Variants in DGKQ observed in about 807,000 individuals in gnomAD.
DGKQ encodes DAG kinase theta.
DGKQ carries 97 observed loss-of-function variants against 104.2 expected under a neutral mutation model. That is an observed-to-expected ratio of 0.93 (90% CI 0.79 to 1.10). The LOEUF (loss-of-function observed/expected upper bound fraction) is 1.10. Among genes scored for constraint, DGKQ ranks in the 50% least tolerant of loss-of-function variants. The probability of loss-of-function intolerance (pLI) is 0.00; values close to 1 mark genes in which losing one functional copy is unlikely to be tolerated. For missense variants in DGKQ, 1,465 were observed against 1,352.1 expected (o/e 1.08, Z -1.31); for synonymous variants, 736 against 595.2 (o/e 1.24, Z -3.44).
Position 961,715 on chromosome 4 carries a change from T to G in DGKQ, c.2435A>C (p.Glu812Ala). 6.2e-7 allele frequency: 1 copy of G among 1,612,674 alleles called. No homozygotes were observed. Among genetic ancestry groups the G allele is most frequent in the Non-Finnish European group, 8.5e-7 (1 of 1,179,908 alleles). ...GGGGATGTTGATGAAGATGAGGCCT[T>G]CAATACTGGGCAGCTCCACCTCCTG... ...ERQEVELPSI[E>A]GLIFINIPSW... Residue 812 changes from glutamate to alanine, a missense_variant, in exon 20 of 23, where the codon GAA becomes GCA. By Grantham distance (107) the Glu-to-Ala change is moderately radical (BLOSUM62 -1). Transcript: ENST00000273814.
Position 961,050 on chromosome 4 carries a change from T to G in DGKQ, c.2726A>C (p.Lys909Thr). ...GHMIISAAGP[K>T]VHMLRKAKQK... ...GCTCTCCAGCCTCACCCCACATACC[T>G]TAGGGCCAGCAGCTGAGATGATCAT... Residue 909 changes from lysine to threonine, a missense_variant and splice_region_variant, in exon 22 of 23, where the codon AAG becomes ACG. Coordinates refer to ENST00000273814, the MANE Select transcript of DGKQ (RefSeq NM_001347.4). The G allele has an allele frequency of 6.2e-7, 1 of 1,612,028 alleles. No individual in the cohort carries two copies. The highest frequency in any genetic ancestry group is 8.5e-7 in the Non-Finnish European group (1 of 1,179,568).
At chr4:963,791 C>T (rs1385647670) in intron 15 of DGKQ, among the ~76,000 whole-genome samples, 1 of 152,258 alleles carries the variant, frequency 6.6e-6, no homozygotes, top group Non-Finnish European at 1.5e-5. Flanking sequence ...CCCTCGACCA[C>T]AGGACAGAGT....
In DGKQ at chr4:965,796, G is replaced by A. The variant is rs570514301; in HGVS notation, c.1579+132C>T. 1.0e-5 allele frequency: 11 copies of A among 1,082,698 alleles called. No individual in the cohort carries two copies. In the South Asian group the frequency reaches 1.3e-4, roughly 13 times the overall value. The allele number at this position is 1,082,698 out of a possible 1,614,324, so 67.1% of individuals were successfully genotyped here. On this transcript the variant is annotated intron_variant, in intron 13 of 22. Transcript: ENST00000273814. The stretch of plus-strand genomic sequence containing the variant: ...TCCAGAGCCTCTTGGAGGAAGAGAC[G>A]TGGGCTGGACCCGGAGCTCAGGCCT...
In DGKQ at chr4:971,017, C is replaced by T. The variant is rs1407397465; in HGVS notation, c.327G>A (p.Thr109=). The T allele has an allele frequency of 4.5e-6, 7 of 1,554,024 alleles. 1 individual carries two copies. Among genetic ancestry groups the T allele is most frequent in the South Asian group, 3.6e-5 (3 of 84,244 alleles). ...CCCGGACCAGGCTGGGTGCCACACT[C>T]GTGCACGGGATCCTCACGTGCTTCA... ...KCLKHVRIPC[T]SVAPSLVRVP... is the part of the protein sequence containing the mutation. Residue 109 remains threonine (T), a synonymous_variant, in exon 2 of 23, where the codon ACG becomes ACA. Coordinates refer to ENST00000273814, the MANE Select transcript of DGKQ (RefSeq NM_001347.4). The surrounding 1 kb of genome is among the most constrained non-coding windows in gnomAD (Gnocchi z 4.0).
chr4:967,005 G>A lies in DGKQ; in HGVS notation c.1270C>T (p.Arg424Cys), dbSNP rs756554134. Reference sequence around the variant, plus strand: ...GGCAGGACCTCCAGCACCACAGAGCGGGCCGTGCTCTTCGGGGTCACTCGC... The same window carrying A: ...GGCAGGACCTCCAGCACCACAGAGCAGGCCGTGCTCTTCGGGGTCACTCGC... ...SVRVTPKSTA[R>C]SVVLEVLPLL... The change falls in exon 10 of 23, where the codon CGC becomes TGC. Residue 424 changes from arginine to cysteine, a missense_variant. By Grantham distance (180) the Arg-to-Cys change is radical. Coordinates refer to ENST00000273814, the MANE Select transcript of DGKQ (RefSeq NM_001347.4). 4 of 1,565,662 alleles carry A rather than the reference G, an allele frequency of 2.6e-6. No homozygotes were observed. Among genetic ancestry groups the A allele is most frequent in the East Asian group, 4.8e-5 (2 of 41,924 alleles).
At position 973,430 on chromosome 4, in the gene DGKQ, G is replaced by A; in HGVS notation, c.53C>T (p.Pro18Leu). The A allele has an allele frequency of 3.0e-6, 3 of 990,492 alleles. No homozygotes were observed. The highest frequency in any genetic ancestry group is 3.6e-6 in the Non-Finnish European group (3 of 834,702). 61.4% of individuals were successfully genotyped at this position (990,492 alleles called of 1,614,324 possible). A position where few individuals can be genotyped will look rare whatever the true frequency, so the allele number is the denominator to read the frequency against. The change falls in exon 1 of 23, where the codon CCG becomes CTG. Residue 18 changes from proline (P) to leucine (L), a missense_variant. Coordinates refer to ENST00000273814, the MANE Select transcript of DGKQ (RefSeq NM_001347.4). ...GCTGCAGGCCGGGCTGCCGGGGCGC[G>A]GGGAGCCGCCGCCCAGCCAGGCGCG... is the stretch of plus-strand genomic sequence containing the variant. ...GARAWLGGGS[P>L]RPGSPACSPV...
chr4:959,280 C>T lies in DGKQ; in HGVS notation c.*1340G>A, dbSNP rs1711679691. ...CACACTCCTGAGGCCAAACCAGAGC[C>T]ACTTCTGAGGTCAAAGCCACACCCA... On this transcript the variant is annotated 3_prime_UTR_variant, in exon 23 of 23. Transcript: ENST00000273814. 6.6e-6 allele frequency: 1 copy of T among 152,570 alleles called. No individual in the cohort carries two copies. Among genetic ancestry groups the T allele is most frequent in the Admixed American group, 6.5e-5 (1 of 15,286 alleles). The allele number at this position is 152,570 out of a possible 1,614,324, so 9.5% of individuals were successfully genotyped here.
At position 971,024 on chromosome 4, in the gene DGKQ, G is replaced by C; in HGVS notation, c.320C>G (p.Pro107Arg). 6.4e-7 allele frequency: 1 copy of C among 1,555,470 alleles called. No homozygotes were observed. The highest frequency in any genetic ancestry group is 2.4e-5 in the East Asian group (1 of 41,754). Residue 107 changes from proline (P) to arginine (R), a missense_variant, in exon 2 of 23, where the codon CCG becomes CGG. Pro to Arg is a moderately radical substitution (Grantham distance 103). Transcript: ENST00000273814. The surrounding 1 kb of genome is among the most constrained non-coding windows in gnomAD (Gnocchi z 4.0). ...CAGGCTGGGTGCCACACTCGTGCAC[G>C]GGATCCTCACGTGCTTCAGGCACTT... ...HEKCLKHVRI[P>R]CTSVAPSLVR...
In DGKQ at chr4:971,752, C is replaced by G. The variant is rs1294629825; in HGVS notation, c.272-680G>C. Among the ~76,000 whole-genome samples, 1 of 152,070 alleles carries G rather than the reference C, an allele frequency of 6.6e-6. No individual in the cohort carries two copies. The highest frequency in any genetic ancestry group is 1.5e-5 in the Non-Finnish European group (1 of 67,964). On this transcript the variant is annotated intron_variant, in intron 1 of 22. Coordinates refer to ENST00000273814, the MANE Select transcript of DGKQ (RefSeq NM_001347.4). The surrounding 1 kb of genome is among the most constrained non-coding windows in gnomAD (Gnocchi z 4.0). ...CGGGGCAGAAGGGAGGGCAGGAACC[C>G]TGGGCTGGGGCAAAGGCTGCGGGGG...
rs146972099 is a variant in DGKQ at position 965,184 on chromosome 4, C to T, written c.1726G>A (p.Asp576Asn). ...CTTGACCGCACACTCACCAGCAGGT[C>T]GGGGAGCACCAGGGCAGTGAGCAGC... The part of the protein sequence containing the change: ...GRLLTALVLP[D>N]LLHAKLPPDS... The change falls in exon 15 of 23, where the codon GAC becomes AAC. Residue 576 changes from aspartate to asparagine, a missense_variant. By Grantham distance (23) the Asp-to-Asn change is conservative. Transcript: ENST00000273814. 4.6e-4 allele frequency: 742 copies of T among 1,612,312 alleles called. No homozygotes were observed. The highest frequency in any genetic ancestry group is 1.5e-3 in the Middle Eastern group (9 of 6,058).
rs1467664632 is a variant in DGKQ, at chr4:973,414, C to G, written c.69G>C (p.Pro23=). 1 of 999,322 alleles carries G rather than the reference C, an allele frequency of 1.0e-6. No individual in the cohort carries two copies. Among genetic ancestry groups the G allele is most frequent in the African/African-American group, 1.8e-5 (1 of 57,016 alleles). The allele number at this position is 999,322 out of a possible 1,614,324, so 61.9% of individuals were successfully genotyped here. ...CTGAGCCCAGCACGGGGCTGCAGGC[C>G]GGGCTGCCGGGGCGCGGGGAGCCGC... ...LGGGSPRPGS[P]ACSPVLGSGG... The change falls in exon 1 of 23, where the codon CCG becomes CCC. Residue 23 remains proline (P), a synonymous_variant. Transcript: ENST00000273814.
intron 12 of DGKQ, 108 bp from the exon 13 acceptor site, chr4:966,186 C>G: frequency 8.3e-7 from 1 of 1,203,850 alleles, no homozygotes; most frequent in South Asian, 1.5e-5. Flanking sequence ...AGGAACACTC[C>G]CAGGAATTAA....
Position 966,231 on chromosome 4 carries a change from C to G in DGKQ, c.1429-153G>C, listed in dbSNP as rs940446972. The G allele has an allele frequency of 1.3e-5, 12 of 936,438 alleles. No homozygotes were observed. The African/African-American group carries it at 2.0e-4, about 15-fold the overall frequency. The allele number at this position is 936,438 out of a possible 1,614,324, so 58.0% of individuals were successfully genotyped here. A position where few individuals can be genotyped will look rare whatever the true frequency, so the allele number is the denominator to read the frequency against. On this transcript the variant is annotated intron_variant, in intron 12 of 22. Coordinates refer to ENST00000273814, the MANE Select transcript of DGKQ (RefSeq NM_001347.4). ...AAAACGAGGAAAGGGGCCACAGAGG[C>G]TTCCTTGCTGTGGACAACCCCTGTC...
At position 962,002 on chromosome 4, in the gene DGKQ, C is replaced by T. The variant is rs1326313962; in HGVS notation, c.2295G>A (p.Glu765=). Residue 765 remains glutamate (E), a synonymous_variant, in exon 19 of 23, where the codon GAG becomes GAA. Transcript: ENST00000273814. ...GGTACCTGCTTGTGAACTTGCCAGG[C>T]TCCTCTTCCCGTGCCTGGTGGAAGT... ...SLDFHQAREE[E]PGKFTSRLHN... 1 of 1,613,176 alleles carries T rather than the reference C, an allele frequency of 6.2e-7. No individual in the cohort carries two copies. Among genetic ancestry groups the T allele is most frequent in the Non-Finnish European group, 8.5e-7 (1 of 1,179,946 alleles).
intron 18 of DGKQ, 138 bp from the exon 19 acceptor site, chr4:962,220 A>G: frequency 1.1e-6 from 1 of 887,374 alleles, no homozygotes; most frequent in Admixed American, 2.3e-5. Flanking sequence ...AGAGGGCAGC[A>G]TGGGCAGGTC....
chr4:961,137 G>A lies in DGKQ; in HGVS notation c.2639C>T (p.Thr880Met), dbSNP rs575962681. The A allele has an allele frequency of 1.3e-5, 21 of 1,607,154 alleles. No homozygotes were observed. The highest frequency in any genetic ancestry group is 2.2e-5 in the East Asian group (1 of 44,650). ...CTGCACCGGGGTGGCCTTGAGGAGC[G>A]TGACTCGGAAGTAGGAACCCTGGGC... is the stretch of plus-strand genomic sequence containing the variant. ...RIAQGSYFRV[T>M]LLKATPVQVD... Residue 880 changes from threonine (T) to methionine (M), a missense_variant, in exon 22 of 23, where the codon ACG (threonine) becomes ATG (methionine). Coordinates refer to ENST00000273814, the MANE Select transcript of DGKQ (RefSeq NM_001347.4).
At chr4:963,775 C>T (rs918382319) in intron 15 of DGKQ, among the ~76,000 whole-genome samples, 9 of 152,206 alleles carry the variant, frequency 5.9e-5, no homozygotes, top group African/African-American at 1.7e-4. Flanking sequence ...GGGTGGCACG[C>T]GGCGTCCCTC....
chr4:966,635 G>A, intron 11 of DGKQ, 108 bp from the exon 12 acceptor site: 1 of 1,503,472 alleles, frequency 6.7e-7, no homozygotes, highest in South Asian at 1.2e-5. Flanking sequence ...AGCTGGTCAG[G>A]AGGGCAGAGC....
intron 2 of DGKQ, among the ~76,000 whole-genome samples, chr4:969,698 C>T (rs1399298702): frequency 6.6e-6 from 1 of 151,994 alleles, no homozygotes; most frequent in Non-Finnish European, 1.5e-5. Flanking sequence ...CAAGCTCCGC[C>T]TCCTGGGTTC....
Sources: gnomAD v4.1 joint callset for allele counts (sites outside exome capture counted in the v4.1 genomes callset) on GRCh38, gnomAD v4.1.1 for gene constraint, Gnocchi (gnomAD v3.1) non-coding constraint, MANE v1.5 for transcripts, NCBI Gene and HGNC (gene_info 2026-07-23, HGNC 2026-07-21) for gene names.